Variants in MYH14 observed in about 807,000 individuals in gnomAD.
The protein encoded by MYH14 is myosin-14.
In MYH14, 123 loss-of-function variants were observed where a neutral mutation model predicts 255.5. The ratio of observed to expected loss-of-function variants is 0.48; its 90% CI spans 0.42 to 0.56. MYH14 has a LOEUF of 0.56. MYH14 is among the 20% of genes least tolerant of loss of function. MYH14 has a pLI of 0.00. For missense variants in MYH14, 2,423 were observed against 2,802.3 expected (o/e 0.86, Z 3.06); for synonymous variants, 1,095 against 1,161.2 (o/e 0.94, Z 1.16).
At chr19:50,309,484 C>A in intron 42 of MYH14, 156 bp from the exon 43 acceptor site, 1 of 642,770 alleles carries the variant, frequency 1.6e-6, no homozygotes, top group East Asian at 2.7e-5. Context: ...CCGTCTCCCT[C>A]CATTTCTCTT....
intron 15 of MYH14, among the ~76,000 whole-genome samples, chr19:50,251,014 G>C (rs1477264284): frequency 6.6e-6 from 1 of 152,172 alleles, no homozygotes; most frequent in African/African-American, 2.4e-5. Context: ...AGCAAAGCTG[G>C]ATACACAGAT....
In MYH14 at chr19:50,278,186, A is replaced by G; in HGVS notation, c.3929A>G (p.Gln1310Arg). Residue 1310 changes from glutamine (Q) to arginine (R), a missense_variant, in exon 30 of 43, where the codon CAG (glutamine) becomes CGG (arginine). By Grantham distance (43) the Gln-to-Arg change is conservative. Around this residue, in one of 3 missense-constraint regions of MYH14, gnomAD observed 1,513 missense variants for 1,674.8 expected, o/e 0.90. Transcript: ENST00000642316. Reference protein sequence around the residue: ...SLQTARQEGEQRRRRLELQLQ... With the variant: ...SLQTARQEGERRRRRLELQLQ... Reference sequence around the variant, plus strand: ...CAGACTGCACGTCAGGAGGGTGAGCAGCGGAGGCGCCGCCTGGAGTTACAG... The same window carrying G: ...CAGACTGCACGTCAGGAGGGTGAGCGGCGGAGGCGCCGCCTGGAGTTACAG... 1 of 1,612,218 alleles carries G rather than the reference A, an allele frequency of 6.2e-7. No homozygotes were observed. Among genetic ancestry groups the G allele is most frequent in the Non-Finnish European group, 8.5e-7 (1 of 1,179,218 alleles).
intron 4 of MYH14, 22 bp from the exon 5 acceptor site, chr19:50,223,225 C>A: frequency 6.2e-7 from 1 of 1,612,338 alleles, no homozygotes; most frequent in Non-Finnish European, 8.5e-7. Flanking sequence ...AACCCCTTTG[C>A]TTCCCCTTGT....
chr19:50,236,845 TC>T (rs2033681343), intron 10 of MYH14, among the ~76,000 whole-genome samples: 1 of 152,188 alleles, frequency 6.6e-6, no homozygotes, highest in African/African-American at 2.4e-5. Flanking sequence ...ACTGTGCAAT[TC>T]CATAGCATTT....
chr19:50,231,871 A>G, intron 9 of MYH14, 59 bp from the exon 10 acceptor site: 1 of 1,603,734 alleles, frequency 6.2e-7, no homozygotes. Flanking sequence ...CGATGAATCC[A>G]GGATGAGTCT....
At chr19:50,301,274 C>A (rs973560460) in intron 39 of MYH14, among the ~76,000 whole-genome samples, 6 of 152,138 alleles carry the variant, frequency 3.9e-5, no homozygotes, top group Non-Finnish European at 2.9e-5. Context: ...AAGGGTGAGA[C>A]CCAGATGTCT....
At position 50,210,274 on chromosome 19, in the gene MYH14, G is replaced by A. The variant is rs542890897; in HGVS notation, c.-3-89G>A. 4 of 1,257,302 alleles carry A rather than the reference G, an allele frequency of 3.2e-6. No homozygotes were observed. The South Asian group carries it at 6.0e-5, about 19-fold the overall frequency. 77.9% of individuals were successfully genotyped at this position (1,257,302 alleles called of 1,614,324 possible). ...AAGAGGTCTGGTAAAGGAAGGCAGA[G>A]GTGGCTGCCTGGGGAATTTGGGGTA... On this transcript the variant is annotated intron_variant, in intron 1 of 42. Transcript: ENST00000642316.
At chr19:50,243,931 C>T (rs111835942) in intron 10 of MYH14, among the ~76,000 whole-genome samples, 2,286 of 151,840 alleles carry the variant, frequency 0.015, 78 homozygotes, top group African/African-American at 0.053. Context: ...CGGAATTCAC[C>T]GATCTGTTCA....
At chr19:50,306,930 G>T in intron 40 of MYH14, 119 bp from the exon 41 acceptor site, 1 of 751,320 alleles carries the variant, frequency 1.3e-6, no homozygotes, top group Non-Finnish European at 2.3e-6. Flanking sequence ...CCACTTAGGG[G>T]TTAGGAAAGA....
intron 6 of MYH14, 60 bp downstream of exon 6, chr19:50,224,237 T>G (rs1206743081): frequency 1.2e-6 from 2 of 1,611,868 alleles, no homozygotes; most frequent in Non-Finnish European, 1.7e-6. Context: ...GGCCACCCAA[T>G]GCATGATCTT....
At position 50,260,741 on chromosome 19, in the gene MYH14, G is replaced by A. The variant is rs368909090; in HGVS notation, c.2424+26G>A. ...GTGAGTGGGGCAGAGCCTGGAATGC[G>A]TGTGTGCGTGTGTGTGTGTGCGTGC... is the stretch of plus-strand genomic sequence containing the variant. On this transcript the variant is annotated intron_variant, in intron 20 of 42. Coordinates refer to ENST00000642316, the MANE Select transcript of MYH14 (RefSeq NM_001145809.2). 334 of 1,461,616 alleles carry A rather than the reference G, an allele frequency of 2.3e-4. No individual in the cohort carries two copies. The highest frequency in any genetic ancestry group is 9.5e-4 in the Admixed American group (47 of 49,670). 90.5% of individuals were successfully genotyped at this position (1,461,616 alleles called of 1,614,324 possible). A position where few individuals can be genotyped will look rare whatever the true frequency, so the allele number is the denominator to read the frequency against.
chr19:50,257,310 G>A lies in MYH14; in HGVS notation c.2056G>A (p.Val686Met), dbSNP rs755943083. 20 of 1,601,834 alleles carry A rather than the reference G, an allele frequency of 1.2e-5. No individual in the cohort carries two copies. Among genetic ancestry groups the A allele is most frequent in the Middle Eastern group, 1.7e-4 (1 of 6,048 alleles). The change falls in exon 18 of 43, where the codon GTG becomes ATG. Residue 686 changes from valine to methionine, a missense_variant. Physicochemically the swap from Val to Met is conservative, Grantham distance 21 (BLOSUM62 1). Around this residue, in one of 3 missense-constraint regions of MYH14, gnomAD observed 672 missense variants for 881.8 expected, o/e 0.76. Transcript: ENST00000642316. ...AISPPGVEGI[V>M]GLEQVSSLGD... ...TCTCCATCTGACAGTGGAGGGCATC[G>A]TGGGGCTGGAACAGGTGAGCAGCCT...
intron 3 of MYH14, among the ~76,000 whole-genome samples, chr19:50,219,644 A>C (rs2032705454): frequency 6.6e-6 from 1 of 152,218 alleles, no homozygotes; most frequent in African/African-American, 2.4e-5. Flanking sequence ...CACGGGGTAA[A>C]TGTAGCCCCT....
chr19:50,245,968 CTCCCTCCTTCCTTCCT>C (rs2034102916), intron 11 of MYH14, among the ~76,000 whole-genome samples: 1 of 118,552 alleles, frequency 8.4e-6, no homozygotes, highest in African/African-American at 3.4e-5. Context: ...CCCTCCTTCC[CTCCCTCCTTCCTTCCT>C]TCTTTTAGAT....
intron 10 of MYH14, among the ~76,000 whole-genome samples, chr19:50,237,707 T>C (rs1379660765): frequency 6.6e-6 from 1 of 152,222 alleles, no homozygotes; most frequent in African/African-American, 2.4e-5. Flanking sequence ...CTCCAGCATA[T>C]ACCTGGAGCA....
At chr19:50,260,739 G>A (rs748154786) in intron 20 of MYH14, 24 bp downstream of exon 20, 2 of 1,476,456 alleles carry the variant, frequency 1.4e-6, no homozygotes, top group South Asian at 1.2e-5. Flanking sequence ...AGCCTGGAAT[G>A]CGTGTGTGCG....
rs537336371 is a variant in MYH14, at chr19:50,294,700, G to C, written c.5469+1013G>C. On this transcript the variant is annotated intron_variant, in intron 39 of 42. Coordinates refer to ENST00000642316, the MANE Select transcript of MYH14 (RefSeq NM_001145809.2). ...GCTATGATTGTGTCACTGCACTCCAGCCTGGGTGACTGGATGACAGAGTGA... is the reference window on the plus strand; with the variant it reads ...GCTATGATTGTGTCACTGCACTCCACCCTGGGTGACTGGATGACAGAGTGA... 7.3e-5 allele frequency among the ~76,000 whole-genome samples: 11 copies of C among 150,414 alleles called. No homozygotes were observed. In the South Asian group the frequency reaches 2.3e-3, roughly 32 times the overall value.
rs1306924645 is a variant in MYH14 at position 50,301,712 on chromosome 19, G to A, written c.5521G>A (p.Ala1841Thr). 6.2e-7 allele frequency: 1 copy of A among 1,613,906 alleles called. No individual in the cohort carries two copies. Among genetic ancestry groups the A allele is most frequent in the Non-Finnish European group, 8.5e-7 (1 of 1,179,814 alleles). The change falls in exon 40 of 43, where the codon GCA (alanine) becomes ACA (threonine). Residue 1841 changes from alanine to threonine, a missense_variant. Physicochemically the swap from Ala to Thr is moderately conservative, Grantham distance 58. Around this residue, in one of 3 missense-constraint regions of MYH14, gnomAD observed 1,513 missense variants for 1,674.8 expected, o/e 0.90. Coordinates refer to ENST00000642316, the MANE Select transcript of MYH14 (RefSeq NM_001145809.2). ...LSAERSFSAK[A>T]ESGRQQLERQ... ...AGCTGAGCGCAGTTTCTCAGCCAAG[G>A]CAGAGAGCGGGCGGCAGCAGCTGGA...
Position 50,261,768 on chromosome 19 carries a change from G to C in MYH14, c.2585+133G>C, listed in dbSNP as rs1038137075. 6.7e-6 allele frequency: 5 copies of C among 748,660 alleles called. No homozygotes were observed. In the African/African-American group the frequency reaches 7.4e-5, roughly 11 times the overall value. The allele number at this position is 748,660 out of a possible 1,614,324, so 46.4% of individuals were successfully genotyped here. On this transcript the variant is annotated intron_variant, in intron 21 of 42. Transcript: ENST00000642316. ...AGGAGCAGGTGGATGGAGGTGCCGG[G>C]TGTCCAGGCTTCTTGGTTCTGCAGT...
Sources: gnomAD v4.1 joint callset for allele counts (sites outside exome capture counted in the v4.1 genomes callset) on GRCh38, gnomAD v4.1.1 for gene constraint, gnomAD v4.1.1 regional missense constraint, MANE v1.5 for transcripts, NCBI Gene and HGNC (gene_info 2026-07-23, HGNC 2026-07-21) for gene names.